LRRIQ3: variants seen among roughly 807,000 people sequenced by gnomAD.
LRRIQ3 encodes the protein leucine rich repeats and IQ motif containing 3.
LRRIQ3 carries 75 observed loss-of-function variants against 59.3 expected under a neutral mutation model. The ratio of observed to expected loss-of-function variants is 1.26; its 90% CI spans 1.05 to 1.53. LRRIQ3 has a LOEUF of 1.53. LRRIQ3 is among the 40% of genes most tolerant of loss of function. The pLI is 0.00. For synonymous variants in LRRIQ3, 250 were observed against 231.3 expected (o/e 1.08, Z -0.73); for missense variants, 831 against 710.0 (o/e 1.17, Z -1.94).
chr1:74,028,589 G>T (rs1293934068), intron 7 of LRRIQ3, among the ~76,000 whole-genome samples: 9 of 151,972 alleles, frequency 5.9e-5, no homozygotes, highest in Non-Finnish European at 1.2e-4. Context: ...GATGCCCAGG[G>T]TGTTGAATAT....
At chr1:74,112,454 C>T (rs1293736815) in intron 4 of LRRIQ3, among the ~76,000 whole-genome samples, 3 of 152,048 alleles carry the variant, frequency 2.0e-5, no homozygotes, top group East Asian at 3.9e-4. Context: ...AGAAGAATAT[C>T]GGGATTAGAG....
At chr1:74,160,902 T>C (rs1351774120) in intron 3 of LRRIQ3, among the ~76,000 whole-genome samples, 2 of 152,072 alleles carry the variant, frequency 1.3e-5, no homozygotes, top group African/African-American at 4.8e-5. Context: ...CTAGTTCCTG[T>C]GATTTTATAA....
rs182602028 is a variant in LRRIQ3, at chr1:74,071,090, T to C, written c.997+3571A>G. On this transcript the variant is annotated intron_variant, in intron 6 of 7. Coordinates refer to ENST00000354431, the MANE Select transcript of LRRIQ3 (RefSeq NM_001105659.2). Reference sequence around the variant, plus strand: ...TATAACTATACAAATTTTATAGTTATATATATATATAGGTTGTTAGGTAAA... The same window carrying C: ...TATAACTATACAAATTTTATAGTTACATATATATATAGGTTGTTAGGTAAA... Among the ~76,000 whole-genome samples the C allele has an allele frequency of 2.8e-3, 394 of 140,992 alleles. 2 individuals carry two copies. The highest frequency in any genetic ancestry group is 4.3e-3 in the Non-Finnish European group (293 of 67,568). The allele number at this position is 140,992 out of a possible 152,430, so 92.5% of individuals were successfully genotyped here.
chr1:74,103,060 T>C (rs2100546893), intron 5 of LRRIQ3, among the ~76,000 whole-genome samples: 1 of 152,134 alleles, frequency 6.6e-6, no homozygotes, highest in East Asian at 1.9e-4. Flanking sequence ...AAATATCTTA[T>C]ACTTCTACCT....
chr1:74,148,158 A>G (rs1234559528), intron 4 of LRRIQ3, among the ~76,000 whole-genome samples: 1 of 152,174 alleles, frequency 6.6e-6, no homozygotes, highest in African/African-American at 2.4e-5. Context: ...TTACATTGAC[A>G]TCTGTACATC....
At chr1:74,155,499 A>G (rs149054302) in intron 4 of LRRIQ3, among the ~76,000 whole-genome samples, 1 of 152,266 alleles carries the variant, frequency 6.6e-6, no homozygotes, top group Admixed American at 6.5e-5. Flanking sequence ...CATGGCTTAC[A>G]TTTGTATTTA....
At chr1:74,042,869 A>G (rs1654088821) in intron 6 of LRRIQ3, among the ~76,000 whole-genome samples, 1 of 152,064 alleles carries the variant, frequency 6.6e-6, no homozygotes, top group Non-Finnish European at 1.5e-5. Flanking sequence ...TTAAGAAACA[A>G]TGTGCACCTT....
At chr1:74,129,101 ACTGC>A (rs1435299699) in intron 4 of LRRIQ3, among the ~76,000 whole-genome samples, 4 of 152,070 alleles carry the variant, frequency 2.6e-5, no homozygotes, top group Admixed American at 2.6e-4. Flanking sequence ...TTCAGTAACC[ACTGC>A]CTTGCTATTT....
At chr1:74,121,076 T>A (rs185735744) in intron 4 of LRRIQ3, among the ~76,000 whole-genome samples, 5 of 152,288 alleles carry the variant, frequency 3.3e-5, no homozygotes, top group Admixed American at 6.5e-5. Flanking sequence ...ACTTTTCCTA[T>A]GTGCAGGAAT....
At chr1:74,066,813 C>T (rs1654879646) in intron 6 of LRRIQ3, among the ~76,000 whole-genome samples, 2 of 152,122 alleles carry the variant, frequency 1.3e-5, no homozygotes, top group Non-Finnish European at 2.9e-5. Flanking sequence ...ATTTCTTGCT[C>T]ATTCAAACCT....
rs935394544 is a variant in LRRIQ3 at position 74,194,773 on chromosome 1, T to C, written c.-1+3223A>G. ...ATTTCTTCTAGCCCAAAACATTCCT[T>C]GGTTAGCTTTCATAGAACAGATTTT... is the stretch of plus-strand genomic sequence containing the variant. On this transcript the variant is annotated intron_variant, in intron 1 of 7. Transcript: ENST00000354431. Among the ~76,000 whole-genome samples the C allele has an allele frequency of 6.6e-5, 10 of 152,206 alleles. No individual in the cohort carries two copies. In the South Asian group the frequency reaches 1.7e-3, roughly 25 times the overall value.
intron 6 of LRRIQ3, among the ~76,000 whole-genome samples, chr1:74,069,264 T>A (rs929415534): frequency 3.3e-5 from 5 of 152,058 alleles, no homozygotes; most frequent in African/African-American, 1.2e-4. Flanking sequence ...TCTGCAGCTA[T>A]ACTTATTATA....
intron 3 of LRRIQ3, among the ~76,000 whole-genome samples, chr1:74,175,182 T>C (rs1315031909): frequency 6.6e-6 from 1 of 152,002 alleles, no homozygotes; most frequent in East Asian, 1.9e-4. Flanking sequence ...GGGTCCAAGG[T>C]CAGGTGAGGC....
rs1646380352 is a variant in LRRIQ3, at chr1:74,090,249, TG to T, written c.868-15460del. Among the ~76,000 whole-genome samples, 7 of 152,164 alleles carry T rather than the reference TG, an allele frequency of 4.6e-5. No individual in the cohort carries two copies. In the South Asian group the frequency reaches 1.4e-3, roughly 32 times the overall value. On this transcript the variant is annotated intron_variant, in intron 5 of 7. Transcript: ENST00000354431. ...TTTGGGGATCCAAATATAAATTATTTGATGGCATCTACAGAATTATAATAAA... is the reference window on the plus strand; with the variant it reads ...TTTGGGGATCCAAATATAAATTATTTATGGCATCTACAGAATTATAATAAA...
chr1:74,096,383 T>C (rs935571200), intron 5 of LRRIQ3, among the ~76,000 whole-genome samples: 1 of 152,126 alleles, frequency 6.6e-6, no homozygotes, highest in Admixed American at 6.6e-5. Flanking sequence ...ACCACTATTA[T>C]ACAGAATAAC....
At chr1:74,181,443 G>C (rs1203889750) in intron 3 of LRRIQ3, 1 of 151,708 alleles carries the variant, frequency 6.6e-6, no homozygotes, top group Non-Finnish European at 1.5e-5. Flanking sequence ...AAGCTCTTTA[G>C]TAGGTCATCC....
intron 3 of LRRIQ3, among the ~76,000 whole-genome samples, chr1:74,164,543 C>T (rs1219004808): frequency 6.6e-6 from 1 of 151,450 alleles, no homozygotes; most frequent in African/African-American, 2.4e-5. Flanking sequence ...CCTAGTGGTA[C>T]TTTGTTATGG....
rs143015235 is a variant in LRRIQ3, at chr1:74,054,739, A to AATATATATATATATAT, written c.998-12822_998-12807dup. On this transcript the variant is annotated intron_variant, in intron 6 of 7. Transcript: ENST00000354431. Reference sequence around the variant, plus strand: ...TAATTACAAAAAGGAAGAAAACACAAATATATATATATATATATCTATATA... The same window carrying AATATATATATATATAT: ...TAATTACAAAAAGGAAGAAAACACAAATATATATATATATATATATATATATATATATATCTATATA... Among the ~76,000 whole-genome samples the AATATATATATATATAT allele has an allele frequency of 1.5e-3, 213 of 141,720 alleles. 1 individual carries two copies. The highest frequency in any genetic ancestry group is 3.8e-3 in the Middle Eastern group (1 of 262). 93.0% of individuals were successfully genotyped at this position (141,720 alleles called of 152,430 possible).
intron 4 of LRRIQ3, among the ~76,000 whole-genome samples, chr1:74,137,134 TATA>T (rs1340102504): frequency 1.3e-5 from 2 of 151,942 alleles, no homozygotes; most frequent in African/African-American, 4.8e-5. Flanking sequence ...ATATATCTAG[TATA>T]ATTACAGGGG....
Sources: gnomAD v4.1 joint callset for allele counts (sites outside exome capture counted in the v4.1 genomes callset) on GRCh38, gnomAD v4.1.1 for gene constraint, MANE v1.5 for transcripts, NCBI Gene and HGNC (gene_info 2026-07-23, HGNC 2026-07-21) for gene names.